METTL2A: variants seen among roughly 807,000 people sequenced by gnomAD.
METTL2A encodes tRNA N(3)-cytidine methyltransferase METTL2A.
A neutral mutation model predicts 49.4 loss-of-function variants in METTL2A; 45 were observed. The observed-to-expected ratio is 0.91, with a 90% CI of 0.72 to 1.17. The LOEUF (loss-of-function observed/expected upper bound fraction) is 1.17, where lower values mean the gene tolerates loss of function less well. Ranked by LOEUF, METTL2A falls within the 50% of genes most tolerant of loss-of-function variation. METTL2A has a pLI of 0.00. For synonymous variants in METTL2A, 118 were observed against 167.5 expected (o/e 0.70, Z 2.28); for missense variants, 361 against 462.2 (o/e 0.78, Z 2.01).
At chr17:62,443,433 A>G (rs2070749465) in intron 6 of METTL2A, among the ~76,000 whole-genome samples, 2 of 152,154 alleles carry the variant, frequency 1.3e-5, no homozygotes, top group Non-Finnish European at 1.5e-5. Context: ...AAAAATTGAC[A>G]TGGACTAAAA....
intron 5 of METTL2A, 25 bp downstream of exon 5, chr17:62,435,317 T>C: frequency 1.9e-6 from 3 of 1,613,880 alleles, no homozygotes; most frequent in South Asian, 1.1e-5. Context: ...AAATTACCTA[T>C]TGGTAATTTC....
rs147337970 is a variant in METTL2A at position 62,447,793 on chromosome 17, A to G, written c.982+27A>G. On this transcript the variant is annotated intron_variant, in intron 8 of 8. Transcript: ENST00000311506. ...TATGAAACACCCATCTTTTTACACT[A>G]AAAGTCCCCAGTACCAGATGAGATG... is the stretch of plus-strand genomic sequence containing the variant. The G allele has an allele frequency of 7.9e-5, 128 of 1,613,058 alleles. 1 individual carries two copies. The East Asian group carries it at 1.7e-3, about 21-fold the overall frequency.
chr17:62,424,446 C>G, intron 2 of METTL2A, 136 bp downstream of exon 2: 1 of 1,288,224 alleles, frequency 7.8e-7, no homozygotes, highest in East Asian at 2.5e-5. Context: ...TAGAGCGGGA[C>G]AGGGAGGGGA....
rs2070803030 is a variant in METTL2A, at chr17:62,451,097, A to G, written c.*2368A>G. Reference sequence around the variant, plus strand: ...TGTAATCCTAGCATTTTGGGAGCCCAAGGCAGGAGTTCAAGACCAGGCTGG... The same window carrying G: ...TGTAATCCTAGCATTTTGGGAGCCCGAGGCAGGAGTTCAAGACCAGGCTGG... On this transcript the variant is annotated 3_prime_UTR_variant, in exon 9 of 9. Coordinates refer to ENST00000311506, the MANE Select transcript of METTL2A (RefSeq NM_181725.4). 6.6e-6 allele frequency among the ~76,000 whole-genome samples: 1 copy of G among 151,530 alleles called. No homozygotes were observed. Among genetic ancestry groups the G allele is most frequent in the African/African-American group, 2.4e-5 (1 of 41,244 alleles).
chr17:62,426,035 G>A lies in METTL2A; in HGVS notation c.203-264G>A, dbSNP rs1310164344. Among the ~76,000 whole-genome samples, 3 of 151,698 alleles carry A rather than the reference G, an allele frequency of 2.0e-5. No homozygotes were observed. In the East Asian group the frequency reaches 5.9e-4, roughly 30 times the overall value. ...AAAAAAGGCATCCAAAGATGTAGGAGGACACTTGATAGATAGTAAGTTCTC... is the reference window on the plus strand; with the variant it reads ...AAAAAAGGCATCCAAAGATGTAGGAAGACACTTGATAGATAGTAAGTTCTC... On this transcript the variant is annotated intron_variant, in intron 2 of 8. Coordinates refer to ENST00000311506, the MANE Select transcript of METTL2A (RefSeq NM_181725.4).
At chr17:62,446,127 C>G (rs2144157460) in intron 7 of METTL2A, among the ~76,000 whole-genome samples, 1 of 152,276 alleles carries the variant, frequency 6.6e-6, no homozygotes, top group Middle Eastern at 3.4e-3. Flanking sequence ...AGGTGCATTC[C>G]TTCATTACTG....
At chr17:62,440,354 A>C (rs1258646532) in intron 5 of METTL2A, among the ~76,000 whole-genome samples, 2 of 152,108 alleles carry the variant, frequency 1.3e-5, no homozygotes, top group East Asian at 3.8e-4. Flanking sequence ...AACCGCAATT[A>C]CTTTTTCACC....
Position 62,451,224 on chromosome 17 carries a change from G to A in METTL2A, c.*2495G>A, listed in dbSNP as rs1177058984. On this transcript the variant is annotated 3_prime_UTR_variant, in exon 9 of 9. Coordinates refer to ENST00000311506, the MANE Select transcript of METTL2A (RefSeq NM_181725.4). ...TACAATGGCACAATTTCAGCTCACCGCAACCTCTGCCTCCCAAGTTTAAAT... is the reference window on the plus strand; with the variant it reads ...TACAATGGCACAATTTCAGCTCACCACAACCTCTGCCTCCCAAGTTTAAAT... Among the ~76,000 whole-genome samples the A allele has an allele frequency of 2.1e-5, 3 of 145,900 alleles. No individual in the cohort carries two copies. The highest frequency in any genetic ancestry group is 2.2e-4 in the South Asian group (1 of 4,538).
chr17:62,443,699 C>T (rs1256115800), intron 6 of METTL2A, among the ~76,000 whole-genome samples: 1 of 152,222 alleles, frequency 6.6e-6, no homozygotes, highest in Admixed American at 6.5e-5. Context: ...AAGCGATTCT[C>T]CTGCCTCAGC....
At chr17:62,439,851 A>G (rs1384149746) in intron 5 of METTL2A, among the ~76,000 whole-genome samples, 3 of 152,126 alleles carry the variant, frequency 2.0e-5, no homozygotes, top group Non-Finnish European at 2.9e-5. Flanking sequence ...CAGAAAGTAC[A>G]CAAGAATAAA....
chr17:62,424,171 C>T, intron 1 of METTL2A, 48 bp from the exon 2 acceptor site: 5 of 1,613,624 alleles, frequency 3.1e-6, no homozygotes, highest in Non-Finnish European at 4.2e-6. Flanking sequence ...CTCACCCTGC[C>T]CGCAGCCAGG....
chr17:62,447,302 C>A (rs1462581235), intron 7 of METTL2A, among the ~76,000 whole-genome samples: 2 of 152,080 alleles, frequency 1.3e-5, no homozygotes, highest in Non-Finnish European at 2.9e-5. Flanking sequence ...AACCTGTAAT[C>A]CCAGCTACTT....
At chr17:62,444,227 A>C (rs1244720407) in intron 6 of METTL2A, among the ~76,000 whole-genome samples, 2 of 152,214 alleles carry the variant, frequency 1.3e-5, no homozygotes, top group Non-Finnish European at 2.9e-5. Flanking sequence ...AAAGATGGCT[A>C]TCTAGGACAG....
chr17:62,433,245 C>T (rs1374220304), intron 4 of METTL2A, among the ~76,000 whole-genome samples: 1 of 151,906 alleles, frequency 6.6e-6, no homozygotes, highest in East Asian at 1.9e-4. Context: ...CCCAGCCTGG[C>T]TAACATGGCA....
rs185831579 is a variant in METTL2A at position 62,441,458 on chromosome 17, T to C, written c.809+702T>C. On this transcript the variant is annotated intron_variant, in intron 6 of 8. Transcript: ENST00000311506. ...TGGATTTTTATTTTATTTTATTTTA[T>C]TTTTTTGAGATGGAGTCTTGCCCTG... 3.5e-3 allele frequency among the ~76,000 whole-genome samples: 530 copies of C among 152,286 alleles called. 6 individuals carry two copies. Among genetic ancestry groups the C allele is most frequent in the African/African-American group, 0.012 (515 of 41,562 alleles).
intron 6 of METTL2A, among the ~76,000 whole-genome samples, chr17:62,441,889 C>T (rs111268213): frequency 3.3e-5 from 5 of 150,624 alleles, no homozygotes; most frequent in Admixed American, 1.3e-4. Flanking sequence ...TACAGGTGTA[C>T]GCCACCATGC....
intron 4 of METTL2A, among the ~76,000 whole-genome samples, chr17:62,432,332 C>T (rs2070671000): frequency 6.6e-6 from 1 of 152,192 alleles, no homozygotes; most frequent in African/African-American, 2.4e-5. Context: ...CCTTCATATT[C>T]ACCTTTTCTG....
intron 2 of METTL2A, among the ~76,000 whole-genome samples, chr17:62,425,389 C>CTTTT (rs746253160): frequency 2.6e-5 from 2 of 78,216 alleles, no homozygotes; most frequent in Non-Finnish European, 2.3e-5. Flanking sequence ...ACTGTCCATA[C>CTTTT]TTTTTTTTTT....
intron 4 of METTL2A, among the ~76,000 whole-genome samples, chr17:62,433,997 G>T (rs1037681213): frequency 6.6e-6 from 1 of 152,168 alleles, no homozygotes; most frequent in Admixed American, 6.6e-5. Context: ...AGGAGGCAAA[G>T]ACTGCAATGA....
Sources: allele counts gnomAD v4.1 joint callset (sites outside exome capture counted in the v4.1 genomes callset), GRCh38; gene constraint gnomAD v4.1.1; transcripts MANE v1.5; gene names NCBI Gene and HGNC (gene_info 2026-07-23, HGNC 2026-07-21).